The following MCM3AP variants were observed in gnomAD, a reference collection of about 807,000 sequenced individuals.
MCM3AP encodes minichromosome maintenance complex component 3 associated protein, also known as germinal-center associated nuclear protein.
MCM3AP carries 126 observed loss-of-function variants against 184.1 expected under a neutral mutation model. The observed-to-expected ratio is 0.68, with a 90% CI of 0.59 to 0.79. MCM3AP has a LOEUF of 0.79. Ranked by LOEUF, MCM3AP falls within the 30% of genes least tolerant of loss-of-function variation. The probability of loss-of-function intolerance (pLI) is 0.00; values close to 1 mark genes in which losing one functional copy is unlikely to be tolerated. For synonymous variants in MCM3AP, 1,002 were observed against 979.3 expected (o/e 1.02, Z -0.43); for missense variants, 2,496 against 2,479.2 (o/e 1.01, Z -0.14).
In MCM3AP at chr21:46,235,381, T is replaced by A. The variant is rs761660668; in HGVS notation, c.5830A>T (p.Thr1944Ser). Residue 1944 changes from threonine (T) to serine (S), a missense_variant, in exon 28 of 28, where the codon ACG becomes TCG. Around this residue, in one of 5 missense-constraint regions of MCM3AP, gnomAD observed 1,323 missense variants for 1,273.4 expected, o/e 1.04. Coordinates refer to ENST00000291688, the MANE Select transcript of MCM3AP (RefSeq NM_003906.5). The part of the protein sequence containing the change: ...EQLQLSEATG[T>S]CLGERLKHLE... ...TGCTTTAGTCGTTCGCCTAGACACG[T>A]TCCTGTCGCCTCTGACAGCTGCAGT... 7 of 1,614,010 alleles carry A rather than the reference T, an allele frequency of 4.3e-6. No individual in the cohort carries two copies. In the African/African-American group the frequency reaches 9.3e-5, roughly 22 times the overall value.
At position 46,283,137 on chromosome 21, in the gene MCM3AP, G is replaced by T. The variant is rs374013846; in HGVS notation, c.1443+478C>A. ...AGATGGGGTTTCACCGTGTTAGCCAGGATGGTCTGGATCTCCTGACCTCAT... is the reference window on the plus strand; with the variant it reads ...AGATGGGGTTTCACCGTGTTAGCCATGATGGTCTGGATCTCCTGACCTCAT... On this transcript the variant is annotated intron_variant, in intron 2 of 27. Transcript: ENST00000291688. 9.2e-5 allele frequency among the ~76,000 whole-genome samples: 14 copies of T among 152,250 alleles called. No homozygotes were observed. In the East Asian group the frequency reaches 1.6e-3, roughly 17 times the overall value.
chr21:46,267,070 G>A lies in MCM3AP; in HGVS notation c.2701C>T (p.Leu901=), dbSNP rs1179961478. ...VSTQRSTIFP[L]DGVVRMLLFR... ...AGCAGCATGCGCACCACACCATCCA[G>A]GGGAAAGATGGTAGATCGCTGTGTG... The change falls in exon 10 of 28, where the codon CTG becomes TTG. Residue 901 remains leucine, a synonymous_variant. Transcript: ENST00000291688. 6.2e-7 allele frequency: 1 copy of A among 1,614,014 alleles called. No homozygotes were observed. The highest frequency in any genetic ancestry group is 1.3e-5 in the African/African-American group (1 of 75,062).
rs776932959 is a variant in MCM3AP at position 46,280,149 on chromosome 21, G to A, written c.1523-12C>T. The stretch of plus-strand genomic sequence containing the variant: ...TTTCTTATTGGGGCCTGTGGACATA[G>A]GAGGCAGAAAAGAGTTTATGCAATC... On this transcript the variant is annotated splice_polypyrimidine_tract_variant and intron_variant, in intron 3 of 27. Coordinates refer to ENST00000291688, the MANE Select transcript of MCM3AP (RefSeq NM_003906.5). 2 of 1,613,570 alleles carry A rather than the reference G, an allele frequency of 1.2e-6. No individual in the cohort carries two copies. The highest frequency in any genetic ancestry group is 2.7e-5 in the African/African-American group (2 of 74,900).
intron 23 of MCM3AP, chr21:46,244,544 C>T: frequency 1.9e-6 from 1 of 515,024 alleles, no homozygotes; most frequent in South Asian, 2.6e-5. Flanking sequence ...TCACTTTTCT[C>T]CTGAAGCTGA....
At chr21:46,264,851 C>T (rs1183456088) in intron 12 of MCM3AP, among the ~76,000 whole-genome samples, 2 of 152,106 alleles carry the variant, frequency 1.3e-5, no homozygotes, top group Non-Finnish European at 2.9e-5. Flanking sequence ...CATCCCAGGT[C>T]ACACCCATCA....
At chr21:46,248,506 ACTT>A (rs1156991531) in intron 20 of MCM3AP, among the ~76,000 whole-genome samples, 1 of 151,894 alleles carries the variant, frequency 6.6e-6, no homozygotes, top group Non-Finnish European at 1.5e-5. Flanking sequence ...CAAACACAGA[ACTT>A]CTTGGCTAGC....
chr21:46,244,193 C>T (rs2080724822), intron 23 of MCM3AP, among the ~76,000 whole-genome samples: 1 of 152,248 alleles, frequency 6.6e-6, no homozygotes. Context: ...AGTGTCTGTG[C>T]TAATGCCACA....
chr21:46,256,655 C>T (rs2080954352), intron 17 of MCM3AP, 134 bp downstream of exon 17: 1 of 1,141,486 alleles, frequency 8.8e-7, no homozygotes, highest in Non-Finnish European at 1.2e-6. Context: ...CTGTCCTCGC[C>T]TCCAGGCTTC....
chr21:46,235,331 T>C lies in MCM3AP; in HGVS notation c.5880A>G (p.Ser1960=). 6.2e-7 allele frequency: 1 copy of C among 1,614,208 alleles called. No individual in the cohort carries two copies. Among genetic ancestry groups the C allele is most frequent in the East Asian group, 2.2e-5 (1 of 44,884 alleles). ...GCTCAGAGGCAACTTCCTCTTCCCT[T>C]GAACTCCGGATCAGCCTTTCCAGGT... The part of the protein sequence containing the change: ...LKHLERLIRS[S]REEEVASELH... The change falls in exon 28 of 28, where the codon TCA becomes TCG. Residue 1960 remains serine, a synonymous_variant. Transcript: ENST00000291688.
intron 26 of MCM3AP, among the ~76,000 whole-genome samples, chr21:46,240,040 G>A (rs2080628190): frequency 6.6e-6 from 1 of 152,184 alleles, no homozygotes; most frequent in South Asian, 2.1e-4. Context: ...GCTAAAGAGG[G>A]AAGTGGGACC....
chr21:46,266,473 A>C (rs1302142886), intron 10 of MCM3AP: 1 of 284,684 alleles, frequency 3.5e-6, no homozygotes, highest in African/African-American at 2.2e-5. Flanking sequence ...AGGAGACAGA[A>C]CTGGAAGGAG....
intron 13 of MCM3AP, among the ~76,000 whole-genome samples, chr21:46,261,618 A>C (rs1272166090): frequency 6.6e-6 from 1 of 151,956 alleles, no homozygotes; most frequent in Non-Finnish European, 1.5e-5. Context: ...CTGTAGCCCC[A>C]GCTACTCAGG....
intron 4 of MCM3AP, among the ~76,000 whole-genome samples, chr21:46,279,662 G>A (rs1316153534): frequency 2.0e-5 from 3 of 152,224 alleles, no homozygotes; most frequent in South Asian, 2.1e-4. Context: ...CAGCCCCAAA[G>A]GAAGGCTTTC....
intron 13 of MCM3AP, among the ~76,000 whole-genome samples, chr21:46,263,265 G>A (rs1032658202): frequency 5.3e-5 from 8 of 152,062 alleles, no homozygotes; most frequent in Non-Finnish European, 7.4e-5. Context: ...GGGAGGTGGG[G>A]GTTGCAGTGA....
intron 5 of MCM3AP, 147 bp downstream of exon 5, chr21:46,277,380 C>G: frequency 3.7e-6 from 2 of 534,132 alleles, no homozygotes; most frequent in Non-Finnish European, 6.5e-6. Context: ...AGAAGACAGG[C>G]AGACTATGAA....
At chr21:46,241,255 G>T in intron 25 of MCM3AP, 1 of 462,726 alleles carries the variant, frequency 2.2e-6, no homozygotes, top group Non-Finnish European at 3.9e-6. Flanking sequence ...CTTATGCACA[G>T]AGGCATTGAG....
At chr21:46,264,897 G>A (rs1035147096) in intron 12 of MCM3AP, among the ~76,000 whole-genome samples, 1 of 150,992 alleles carries the variant, frequency 6.6e-6, no homozygotes, top group Non-Finnish European at 1.5e-5. Flanking sequence ...GCCCTTCAGG[G>A]GACACACCCA....
intron 3 of MCM3AP, 122 bp from the exon 4 acceptor site, chr21:46,280,259 C>G (rs1427749414): frequency 1.7e-6 from 2 of 1,153,684 alleles, no homozygotes; most frequent in Non-Finnish European, 2.5e-6. Context: ...AGAGAAGAGC[C>G]CAAGGAAATA....
chr21:46,252,705 GCTTT>G (rs1353211953), intron 19 of MCM3AP: 2 of 152,056 alleles, frequency 1.3e-5, no homozygotes, highest in Non-Finnish European at 2.9e-5. Context: ...AAGAATACAG[GCTTT>G]CTAAGTGAAA....
Sources: gnomAD v4.1 joint callset for allele counts (sites outside exome capture counted in the v4.1 genomes callset) on GRCh38, gnomAD v4.1.1 for gene constraint, gnomAD v4.1.1 regional missense constraint, MANE v1.5 for transcripts, NCBI Gene and HGNC (gene_info 2026-07-23, HGNC 2026-07-21) for gene names.